Variants in ERBB4 observed in about 807,000 individuals in gnomAD.
The protein encoded by ERBB4 is erb-b2 receptor tyrosine kinase 4, also known as receptor tyrosine-protein kinase erbB-4.
ERBB4 carries 42 observed loss-of-function variants against 158.0 expected under a neutral mutation model. The ratio of observed to expected loss-of-function variants is 0.27; its 90% CI spans 0.21 to 0.34. The LOEUF is 0.34. Among genes scored for constraint, ERBB4 ranks in the 10% least tolerant of loss-of-function variants. The pLI is 1.00. For missense variants in ERBB4, 1,333 were observed against 1,624.1 expected (o/e 0.82, Z 3.08); for synonymous variants, 583 against 558.7 (o/e 1.04, Z -0.61).
chr2:211,647,474 C>G (rs566124261), intron 16 of ERBB4, among the ~76,000 whole-genome samples: 3 of 151,562 alleles, frequency 2.0e-5, no homozygotes, highest in Admixed American at 2.0e-4. Flanking sequence ...AAATTCAACA[C>G]ATCCGAAACT....
At chr2:212,389,732 G>T (rs2090792917) in intron 1 of ERBB4, among the ~76,000 whole-genome samples, 1 of 151,838 alleles carries the variant, frequency 6.6e-6, no homozygotes, top group Non-Finnish European at 1.5e-5. Flanking sequence ...AGCATATATT[G>T]TGTACTTGGC....
In ERBB4 at chr2:211,852,321, T is replaced by A. The variant is rs572364728; in HGVS notation, c.422-64162A>T. The stretch of plus-strand genomic sequence containing the variant: ...GGGCCAGTATTAGTACATTTTAATA[T>A]AGAAAAAGATGATTGATAGTATGCT... On this transcript the variant is annotated intron_variant, in intron 3 of 27. Transcript: ENST00000342788. 2.0e-5 allele frequency among the ~76,000 whole-genome samples: 3 copies of A among 152,086 alleles called. No individual in the cohort carries two copies. In the East Asian group the frequency reaches 5.8e-4, roughly 29 times the overall value.
chr2:212,217,105 T>C (rs903436888), intron 1 of ERBB4, among the ~76,000 whole-genome samples: 3 of 151,452 alleles, frequency 2.0e-5, no homozygotes, highest in Non-Finnish European at 3.0e-5. Context: ...AATTAAAAGA[T>C]AATTTTATTA....
intron 2 of ERBB4, among the ~76,000 whole-genome samples, chr2:212,053,860 G>C (rs2077474810): frequency 6.6e-6 from 1 of 152,006 alleles, no homozygotes; most frequent in Non-Finnish European, 1.5e-5. Context: ...GCCAACTTAG[G>C]CCTACATCAC....
At chr2:212,459,913 C>T (rs1172007182) in intron 1 of ERBB4, among the ~76,000 whole-genome samples, 2 of 152,144 alleles carry the variant, frequency 1.3e-5, no homozygotes, top group African/African-American at 2.4e-5. Flanking sequence ...TAGACCCCTA[C>T]TGATATGATT....
At chr2:212,149,936 A>G (rs1226341432) in intron 1 of ERBB4, among the ~76,000 whole-genome samples, 2 of 152,332 alleles carry the variant, frequency 1.3e-5, no homozygotes, top group South Asian at 4.1e-4. Flanking sequence ...GACCATGTTT[A>G]TCTCATCAGG....
intron 3 of ERBB4, among the ~76,000 whole-genome samples, chr2:211,882,889 C>A (rs2106155288): frequency 6.6e-6 from 1 of 152,288 alleles, no homozygotes; most frequent in Admixed American, 6.5e-5. Flanking sequence ...TTACCTATCT[C>A]CTTGTATCTG....
In ERBB4 at chr2:211,507,900, A is replaced by G. The variant is rs184245187; in HGVS notation, c.2487+54003T>C. Among the ~76,000 whole-genome samples, 598 of 152,302 alleles carry G rather than the reference A, an allele frequency of 3.9e-3. 3 individuals carry two copies. The highest frequency in any genetic ancestry group is 0.013 in the African/African-American group (556 of 41,588). On this transcript the variant is annotated intron_variant, in intron 20 of 27. Transcript: ENST00000342788. ...CAATGGAGAAAGGATTCCCTATTTA[A>G]TAAAAGGTTCTGGGAAAACTGGCTA...
chr2:212,013,329 G>A (rs985529946), intron 2 of ERBB4, among the ~76,000 whole-genome samples: 3 of 152,110 alleles, frequency 2.0e-5, no homozygotes, highest in Non-Finnish European at 2.9e-5. Flanking sequence ...TACAAAGAAG[G>A]CAGGGATGAT....
At chr2:211,976,613 T>C (rs998831444) in intron 2 of ERBB4, among the ~76,000 whole-genome samples, 2 of 152,152 alleles carry the variant, frequency 1.3e-5, no homozygotes, top group Admixed American at 6.5e-5. Context: ...GCTTCAATGA[T>C]ATATATGATT....
chr2:211,486,599 T>A (rs2065209069), intron 20 of ERBB4, among the ~76,000 whole-genome samples: 1 of 151,996 alleles, frequency 6.6e-6, no homozygotes, highest in Non-Finnish European at 1.5e-5. Flanking sequence ...TGGGTGTAGG[T>A]TCGGAGCCTT....
At chr2:212,534,640 C>T (rs1041387831) in intron 1 of ERBB4, among the ~76,000 whole-genome samples, 1 of 152,092 alleles carries the variant, frequency 6.6e-6, no homozygotes, top group Non-Finnish European at 1.5e-5. Context: ...AAACAATATA[C>T]TTAGTGGCGG....
chr2:211,804,174 A>C (rs766595053), intron 3 of ERBB4, among the ~76,000 whole-genome samples: 2 of 152,224 alleles, frequency 1.3e-5, no homozygotes, highest in Non-Finnish European at 2.9e-5. Context: ...ACTGGCTGTC[A>C]TGTTAGTATG....
intron 4 of ERBB4, among the ~76,000 whole-genome samples, chr2:211,773,608 A>AT (rs1469446224): frequency 4.3e-5 from 1 of 23,020 alleles, no homozygotes; most frequent in African/African-American, 5.0e-4. Flanking sequence ...TTATATATAT[A>AT]TATATATATA....
At chr2:211,780,307 T>G (rs2106298553) in intron 4 of ERBB4, among the ~76,000 whole-genome samples, 1 of 152,252 alleles carries the variant, frequency 6.6e-6, no homozygotes, top group East Asian at 1.9e-4. Context: ...GAGGCTCCAG[T>G]GAGCTGTGAT....
intron 1 of ERBB4, among the ~76,000 whole-genome samples, chr2:212,166,720 C>T (rs2081356915): frequency 6.6e-6 from 1 of 152,104 alleles, no homozygotes; most frequent in Non-Finnish European, 1.5e-5. Flanking sequence ...AACCAAAATG[C>T]ATGATACTGG....
intron 4 of ERBB4, among the ~76,000 whole-genome samples, chr2:211,773,615 TATATATATA>T (rs1336021753): frequency 4.6e-5 from 2 of 43,882 alleles, no homozygotes; most frequent in East Asian, 3.7e-4. Flanking sequence ...TATATATATA[TATATATATA>T]TATATATATA....
At chr2:211,384,143 C>T in intron 27 of ERBB4, 83 bp from the exon 28 acceptor site, 1 of 1,001,484 alleles carries the variant, frequency 1.0e-6, no homozygotes, top group Non-Finnish European at 1.5e-6. Context: ...TGGTTAGCTT[C>T]TTTGTCTAGA....
intron 1 of ERBB4, among the ~76,000 whole-genome samples, chr2:212,407,369 T>C (rs2091376815): frequency 6.6e-6 from 1 of 152,160 alleles, no homozygotes; most frequent in Non-Finnish European, 1.5e-5. Context: ...AATTCATTTA[T>C]TGTCATAACA....
Sources: allele counts gnomAD v4.1 joint callset (sites outside exome capture counted in the v4.1 genomes callset), GRCh38; gene constraint gnomAD v4.1.1; transcripts MANE v1.5; gene names NCBI Gene and HGNC (gene_info 2026-07-23, HGNC 2026-07-21).